Variants in GNA14 observed in about 807,000 individuals in gnomAD.
GNA14 encodes guanine nucleotide-binding protein subunit alpha-14.
A neutral mutation model predicts 42.0 loss-of-function variants in GNA14; 50 were observed. That is an observed-to-expected ratio of 1.19 (90% CI 0.95 to 1.51). GNA14 has a LOEUF of 1.51. Ranked by LOEUF, GNA14 falls within the 40% of genes most tolerant of loss-of-function variation. The pLI is 0.00. For synonymous variants in GNA14, 173 were observed against 163.1 expected (o/e 1.06, Z -0.46); for missense variants, 473 against 446.2 (o/e 1.06, Z -0.54).
At chr9:77,473,152 T>C (rs544674060) in intron 2 of GNA14, among the ~76,000 whole-genome samples, 3 of 152,174 alleles carry the variant, frequency 2.0e-5, no homozygotes, top group South Asian at 4.2e-4. Context: ...AAACAATTGT[T>C]GGAAGAAATT....
intron 2 of GNA14, among the ~76,000 whole-genome samples, chr9:77,470,068 C>G (rs1836303575): frequency 6.6e-6 from 1 of 152,168 alleles, no homozygotes; most frequent in Non-Finnish European, 1.5e-5. Flanking sequence ...AGATGAAATA[C>G]TTCTGTTTTG....
At chr9:77,496,566 G>A (rs191582548) in intron 2 of GNA14, among the ~76,000 whole-genome samples, 12 of 152,238 alleles carry the variant, frequency 7.9e-5, no homozygotes, top group Admixed American at 6.5e-4. Context: ...TGCCAGGTGC[G>A]CACAGTTAAA....
chr9:77,631,432 T>TA (rs1326626693), intron 1 of GNA14, among the ~76,000 whole-genome samples: 1 of 143,064 alleles, frequency 7.0e-6, no homozygotes, highest in Non-Finnish European at 1.5e-5. Flanking sequence ...AGGAGACTGC[T>TA]AGCAGTCTCT....
intron 1 of GNA14, among the ~76,000 whole-genome samples, chr9:77,634,666 TTTC>T (rs1177206971): frequency 1.3e-5 from 2 of 152,234 alleles, no homozygotes; most frequent in Non-Finnish European, 2.9e-5. Flanking sequence ...CCAATTTTCC[TTTC>T]TTCAAGGCCC....
intron 3 of GNA14, among the ~76,000 whole-genome samples, chr9:77,432,102 ATCCTTTAAAAAAAAAAAAAACTT>A (rs1255754604): frequency 7.0e-6 from 1 of 143,248 alleles, no homozygotes; most frequent in East Asian, 2.2e-4. Context: ...AAATAAGAGA[ATCCTTTAAAAAAAAAAAAAACTT>A]TAAGGCCTTT....
chr9:77,629,227 C>G (rs1231834961), intron 1 of GNA14, among the ~76,000 whole-genome samples: 2 of 152,154 alleles, frequency 1.3e-5, no homozygotes, highest in Non-Finnish European at 2.9e-5. Context: ...AGTCAGGAAA[C>G]AACAGATGCT....
chr9:77,574,476 A>T (rs1029256828), intron 1 of GNA14, among the ~76,000 whole-genome samples: 1 of 152,220 alleles, frequency 6.6e-6, no homozygotes, highest in African/African-American at 2.4e-5. Context: ...CAATGGAATA[A>T]AAAATATTTC....
intron 1 of GNA14, among the ~76,000 whole-genome samples, chr9:77,561,856 A>C (rs531666706): frequency 6.6e-6 from 1 of 152,210 alleles, no homozygotes; most frequent in Non-Finnish European, 1.5e-5. Flanking sequence ...CTACATCAAC[A>C]CACAAAATCT....
At chr9:77,489,193 G>A (rs1403717518) in intron 2 of GNA14, among the ~76,000 whole-genome samples, 2 of 151,900 alleles carry the variant, frequency 1.3e-5, no homozygotes, top group East Asian at 3.9e-4. Context: ...GAATGAATGA[G>A]CCCAAAGACA....
intron 2 of GNA14, among the ~76,000 whole-genome samples, chr9:77,439,349 G>A (rs891556923): frequency 6.6e-6 from 1 of 152,170 alleles, no homozygotes; most frequent in Admixed American, 6.5e-5. Flanking sequence ...TATTACAAGA[G>A]TGGAGTTGGC....
chr9:77,570,915 T>C (rs1157238645), intron 1 of GNA14, among the ~76,000 whole-genome samples: 1 of 150,740 alleles, frequency 6.6e-6, no homozygotes, highest in Non-Finnish European at 1.5e-5. Context: ...ATAATCTATG[T>C]GCATATTTAA....
At chr9:77,553,838 G>C (rs1289172544) in intron 1 of GNA14, among the ~76,000 whole-genome samples, 1 of 152,146 alleles carries the variant, frequency 6.6e-6, no homozygotes, top group East Asian at 1.9e-4. Context: ...TAATGGGAAA[G>C]TAATCACAGT....
At chr9:77,595,800 A>AAG (rs138143497) in intron 1 of GNA14, among the ~76,000 whole-genome samples, 2 of 150,656 alleles carry the variant, frequency 1.3e-5, no homozygotes, top group Non-Finnish European at 1.5e-5. Flanking sequence ...GTATTCTCTC[A>AAG]AGAGAGAGAG....
At chr9:77,541,552 G>A (rs1158099334) in intron 1 of GNA14, among the ~76,000 whole-genome samples, 1 of 152,130 alleles carries the variant, frequency 6.6e-6, no homozygotes, top group Non-Finnish European at 1.5e-5. Flanking sequence ...GAGCATCTTT[G>A]AGCCCCCTGT....
chr9:77,646,519 A>G (rs1359113679), intron 1 of GNA14, among the ~76,000 whole-genome samples: 1 of 152,168 alleles, frequency 6.6e-6, no homozygotes, highest in Admixed American at 6.5e-5. Flanking sequence ...CCCAGGTCTG[A>G]AGGCCATACT....
At chr9:77,429,083 C>T (rs1197000174) in intron 4 of GNA14, 47 bp from the exon 5 acceptor site, 2 of 1,593,936 alleles carry the variant, frequency 1.3e-6, no homozygotes, top group African/African-American at 2.7e-5. Flanking sequence ...ATACATGACA[C>T]TTCGGGGAAA....
intron 2 of GNA14, among the ~76,000 whole-genome samples, chr9:77,473,468 A>C (rs569988365): frequency 5.3e-5 from 8 of 152,266 alleles, no homozygotes; most frequent in Non-Finnish European, 7.4e-5. Flanking sequence ...AACAAATACA[A>C]AAACAAAGGA....
chr9:77,620,848 CAAAAAAAAAAAA>C (rs35141766), intron 1 of GNA14, among the ~76,000 whole-genome samples: 1 of 74,044 alleles, frequency 1.4e-5, no homozygotes, highest in Non-Finnish European at 2.7e-5. Flanking sequence ...AATCTTGTCT[CAAAAAAAAAAAA>C]AAAAAAAAAA....
intron 2 of GNA14, among the ~76,000 whole-genome samples, chr9:77,447,035 C>A (rs1040076385): frequency 1.3e-5 from 2 of 151,536 alleles, no homozygotes; most frequent in African/African-American, 4.9e-5. Context: ...ACAATCTCGG[C>A]TCACTGCAAC....
Sources: allele counts gnomAD v4.1 joint callset (sites outside exome capture counted in the v4.1 genomes callset), GRCh38; gene constraint gnomAD v4.1.1; transcripts MANE v1.5; gene names NCBI Gene and HGNC (gene_info 2026-07-23, HGNC 2026-07-21).